SCHIP1: variants seen among roughly 807,000 people sequenced by gnomAD.
SCHIP1 encodes the protein schwannomin interacting protein 1, also known as schwannomin-interacting protein 1.
SCHIP1 carries 8 observed loss-of-function variants against 29.7 expected under a neutral mutation model. That is an observed-to-expected ratio of 0.27 (90% CI 0.16 to 0.49). The LOEUF is 0.49. SCHIP1 is among the 20% of genes least tolerant of loss of function. The pLI is 0.99. For synonymous variants in SCHIP1, 76 were observed against 94.9 expected (o/e 0.80, Z 1.16); for missense variants, 193 against 294.6 (o/e 0.66, Z 2.52).
the SCHIP1 span, among the ~76,000 whole-genome samples, chr3:159,675,127 G>A: frequency 6.6e-6 from 1 of 152,192 alleles, no homozygotes; most frequent in Non-Finnish European, 1.5e-5. Context: ...TAGCTGGTTT[G>A]TATGGCTTTA....
chr3:159,494,196 G>C, the SCHIP1 span, among the ~76,000 whole-genome samples: 2 of 152,096 alleles, frequency 1.3e-5, no homozygotes, highest in Admixed American at 6.5e-5. Flanking sequence ...AAAAGAACTA[G>C]AGAAGCAAGA....
chr3:159,344,058 C>T, the SCHIP1 span, among the ~76,000 whole-genome samples: 31 of 152,186 alleles, frequency 2.0e-4, no homozygotes, highest in South Asian at 5.6e-3. Flanking sequence ...ATTGGCTAGG[C>T]GCAGTGGCTC....
the SCHIP1 span, among the ~76,000 whole-genome samples, chr3:159,525,031 A>C: frequency 2.0e-5 from 3 of 152,226 alleles, no homozygotes; most frequent in African/African-American, 7.2e-5. Flanking sequence ...TTGCATGTGC[A>C]GTTTCTTTTC....
intron 1 of SCHIP1, among the ~76,000 whole-genome samples, chr3:159,849,311 A>G (rs1277577114): frequency 6.6e-6 from 1 of 152,142 alleles, no homozygotes; most frequent in Non-Finnish European, 1.5e-5. Flanking sequence ...TTTTAATTGT[A>G]TATTTAAGCC....
At chr3:159,668,219 GA>G in the SCHIP1 span, among the ~76,000 whole-genome samples, 2 of 151,540 alleles carry the variant, frequency 1.3e-5, no homozygotes, top group South Asian at 2.1e-4. Flanking sequence ...AATACCAAAA[GA>G]AAAAAAATTA....
the SCHIP1 span, chr3:159,398,959 G>C: frequency 2.0e-6 from 2 of 983,708 alleles, no homozygotes; most frequent in African/African-American, 3.5e-5. Context: ...ACAAGTGTGG[G>C]CAATTTGCCC....
chr3:159,607,451 G>A, the SCHIP1 span, among the ~76,000 whole-genome samples: 5 of 152,108 alleles, frequency 3.3e-5, no homozygotes, highest in Admixed American at 6.6e-5. Context: ...ATAAGGGAGG[G>A]ATAAAGAAGA....
the SCHIP1 span, among the ~76,000 whole-genome samples, chr3:159,646,283 G>A: frequency 6.6e-6 from 1 of 152,148 alleles, no homozygotes; most frequent in Non-Finnish European, 1.5e-5. Flanking sequence ...TTAGCTGTTT[G>A]TGCTTTCAGC....
chr3:159,828,388 C>CGTATATATGTAT, the SCHIP1 span, among the ~76,000 whole-genome samples: 34 of 65,378 alleles, frequency 5.2e-4, no homozygotes, highest in East Asian at 9.0e-4. Context: ...TATATATATA[C>CGTATATATGTAT]ATATATACGT....
the SCHIP1 span, among the ~76,000 whole-genome samples, chr3:159,381,519 A>T: frequency 6.6e-6 from 1 of 152,102 alleles, no homozygotes; most frequent in Non-Finnish European, 1.5e-5. Context: ...GCCCTTAAAG[A>T]TTTATGGAGA....
At chr3:159,580,458 A>G in the SCHIP1 span, among the ~76,000 whole-genome samples, 2 of 152,230 alleles carry the variant, frequency 1.3e-5, no homozygotes, top group Non-Finnish European at 2.9e-5. Flanking sequence ...TGCGTGAGGC[A>G]TGATCAAGGC....
chr3:159,593,808 A>G, the SCHIP1 span, among the ~76,000 whole-genome samples: 1 of 152,230 alleles, frequency 6.6e-6, no homozygotes, highest in Non-Finnish European at 1.5e-5. Flanking sequence ...GAGAATTTGC[A>G]TAGATCATGC....
At chr3:159,275,293 G>A in the SCHIP1 span, 1 of 157,694 alleles carries the variant, frequency 6.3e-6, no homozygotes, top group Non-Finnish European at 1.4e-5. Flanking sequence ...AGGTAAGTAG[G>A]ACTTTTCACA....
chr3:159,858,469 G>T (rs1189874481), intron 1 of SCHIP1, among the ~76,000 whole-genome samples: 6 of 152,074 alleles, frequency 3.9e-5, no homozygotes, highest in African/African-American at 7.2e-5. Flanking sequence ...CTTCTCAATC[G>T]AAATATTCAA....
At chr3:159,393,675 A>C in the SCHIP1 span, among the ~76,000 whole-genome samples, 992 of 146,158 alleles carry the variant, frequency 6.8e-3, 3 homozygotes, top group East Asian at 0.034. Context: ...TGATCTATAT[A>C]TCTGTTTTGG....
At chr3:159,499,947 T>G in the SCHIP1 span, among the ~76,000 whole-genome samples, 1 of 152,206 alleles carries the variant, frequency 6.6e-6, no homozygotes, top group Non-Finnish European at 1.5e-5. Context: ...GTCAGTCACA[T>G]GCTTATCAGT....
the SCHIP1 span, among the ~76,000 whole-genome samples, chr3:159,501,729 AC>A: frequency 1.3e-5 from 2 of 152,242 alleles, no homozygotes; most frequent in African/African-American, 4.8e-5. Flanking sequence ...ATAGTATAGT[AC>A]CTACTATTTT....
the SCHIP1 span, chr3:159,282,539 T>A: frequency 7.4e-4 from 112 of 151,890 alleles, no homozygotes; most frequent in African/African-American, 2.5e-3. Flanking sequence ...TTGTGTTTTT[T>A]GAAAACTGGT....
chr3:159,849,640 G>T (rs1276448145), intron 1 of SCHIP1, among the ~76,000 whole-genome samples: 1 of 152,164 alleles, frequency 6.6e-6, no homozygotes, highest in African/African-American at 2.4e-5. Flanking sequence ...AGTGAGTGGG[G>T]TCTGCAGGGT....
Sources: gnomAD v4.1 joint callset for allele counts (sites outside exome capture counted in the v4.1 genomes callset) on GRCh38, gnomAD v4.1.1 for gene constraint, MANE v1.5 for transcripts, NCBI Gene and HGNC (gene_info 2026-07-23, HGNC 2026-07-21) for gene names.